The following N4BP2L2 variants were observed in gnomAD, a reference collection of about 807,000 sequenced individuals.
N4BP2L2 encodes NEDD4-binding protein 2-like 2.
N4BP2L2 carries 50 observed loss-of-function variants against 56.2 expected under a neutral mutation model. The observed-to-expected ratio is 0.89, with a 90% CI of 0.71 to 1.13. The LOEUF (loss-of-function observed/expected upper bound fraction) is 1.13, where lower values mean the gene tolerates loss of function less well. Among genes scored for constraint, N4BP2L2 ranks in the 50% most tolerant of loss-of-function variants. The pLI is 0.00. For synonymous variants in N4BP2L2, 203 were observed against 223.6 expected, an observed-to-expected ratio of 0.91 and a Z score of 0.82; for missense variants, 689 against 693.8, an observed-to-expected ratio of 0.99 and a Z score of 0.08.
rs187904691 is a variant in N4BP2L2 at position 32,440,266 on chromosome 13, G to A, written c.2105-1529C>T. ...AACTCAGGATGACAAGCTTTGAGACGAAATGGGTCCCCAAGGAACGCTGAG... is the reference window on the plus strand; with the variant it reads ...AACTCAGGATGACAAGCTTTGAGACAAAATGGGTCCCCAAGGAACGCTGAG... On this transcript the variant is annotated intron_variant, in intron 7 of 9. Coordinates refer to the N4BP2L2 transcript ENST00000357505. Among the ~76,000 whole-genome samples the A allele has an allele frequency of 1.9e-3, 285 of 152,156 alleles. 3 individuals are homozygous for A. Among genetic ancestry groups the A allele is most frequent in the Admixed American group, 0.016 (242 of 15,294 alleles).
At chr13:32,509,228 T>G (rs762113381), downstream of N4BP2L2, 11 of 152,184 alleles carry the variant, frequency 7.2e-5, no homozygotes, top group Non-Finnish European at 1.3e-4. Context: ...ATCCTGAACT[T>G]TTTGAGCATT....
Position 32,522,127 on chromosome 13 carries a change from T to G in N4BP2L2, c.1473+55A>C. 6 of 1,181,772 alleles carry G rather than the reference T, an allele frequency of 5.1e-6. No individual in the cohort carries two copies. In the South Asian group the frequency reaches 8.4e-5, roughly 17 times the overall value. The allele number at this position is 1,181,772 out of a possible 1,614,324, so 73.2% of individuals were successfully genotyped here. ...GATCCAACCAGCCAAAATTTTAGAATGTGAAAAAATTGACAAGAATAAAAA... is the reference window on the plus strand; with the variant it reads ...GATCCAACCAGCCAAAATTTTAGAAGGTGAAAAAATTGACAAGAATAAAAA... On this transcript the variant is annotated intron_variant, in intron 4 of 5. Coordinates refer to ENST00000267068, the Ensembl canonical transcript of N4BP2L2.
Position 32,434,346 on chromosome 13 carries a change from C to T in N4BP2L2, c.*22-1374G>A, listed in dbSNP as rs571248262. On this transcript the variant is annotated intron_variant, in intron 9 of 9. Coordinates refer to the N4BP2L2 transcript ENST00000357505. ...CTCCTGAGCTCGGGCAATCTGCCAG[C>T]CTCAGCCTCCCAAAGTGCTAGGATT... 3.0e-4 allele frequency among the ~76,000 whole-genome samples: 46 copies of T among 151,232 alleles called. 1 individual carries two copies. The highest frequency in any genetic ancestry group is 2.7e-3 in the East Asian group (14 of 5,138).
Position 32,536,474 on chromosome 13 carries a change from T to TCC in N4BP2L2, c.552_553dup (p.Glu185GlyfsTer32), listed in dbSNP as rs777861853. 6.2e-7 allele frequency: 1 copy of TCC among 1,612,764 alleles called. No homozygotes were observed. The highest frequency in any genetic ancestry group is 1.1e-5 in the South Asian group (1 of 90,666). On this transcript the variant is annotated frameshift_variant, in exon 2 of 6. Transcript: ENST00000267068. LOFTEE classifies it high-confidence loss of function. ...ACAACTGTTCTCAAAACCATCTTTT[T>TCC]CCTTTTCAAGCTCTTCAATTTCTTT...
At chr13:32,518,553 TA>T (rs2049844170) in intron 5 of N4BP2L2, among the ~76,000 whole-genome samples, 1 of 152,192 alleles carries the variant, frequency 6.6e-6, no homozygotes, top group Non-Finnish European at 1.5e-5. Context: ...TTATACATAA[TA>T]TAAAGCTTTG....
intron 6 of N4BP2L2, among the ~76,000 whole-genome samples, chr13:32,493,038 T>C (rs2087577748): frequency 6.7e-6 from 1 of 148,384 alleles, no homozygotes. Flanking sequence ...TTCTCCTGCC[T>C]CACCCTCCCG....
At chr13:32,483,514 T>C (rs1043337896) in intron 6 of N4BP2L2, among the ~76,000 whole-genome samples, 10 of 152,310 alleles carry the variant, frequency 6.6e-5, no homozygotes, top group South Asian at 2.1e-4. Context: ...TTTTTGTAGG[T>C]TGTACATCAC....
chr13:32,434,102 A>G (rs2075166241), intron 9 of N4BP2L2, among the ~76,000 whole-genome samples: 1 of 151,308 alleles, frequency 6.6e-6, no homozygotes, highest in Non-Finnish European at 1.5e-5. Flanking sequence ...GTAGAGATGG[A>G]GTCTTGCTCT....
intron 6 of N4BP2L2, among the ~76,000 whole-genome samples, chr13:32,452,434 T>C (rs1269114007): frequency 6.6e-6 from 1 of 152,196 alleles, no homozygotes; most frequent in Non-Finnish European, 1.5e-5. Flanking sequence ...ATGAGAACTT[T>C]CAGGCTAGTC....
At chr13:32,537,101 G>T (rs534756822) in intron 1 of N4BP2L2, 74 bp from the exon 2 acceptor site, 2 of 1,030,686 alleles carry the variant, frequency 1.9e-6, no homozygotes, top group East Asian at 2.9e-5. Flanking sequence ...TCAAAAACAA[G>T]AAATTAGACA....
intron 6 of N4BP2L2, among the ~76,000 whole-genome samples, chr13:32,449,725 A>G (rs1337192661): frequency 2.0e-5 from 3 of 152,210 alleles, no homozygotes; most frequent in Non-Finnish European, 2.9e-5. Context: ...TATTTTTATT[A>G]TGTATTAACA....
intron 6 of N4BP2L2, among the ~76,000 whole-genome samples, chr13:32,493,301 AGT>A (rs2087649763): frequency 6.6e-6 from 1 of 151,966 alleles, no homozygotes; most frequent in African/African-American, 2.4e-5. Flanking sequence ...TCTTTGATTC[AGT>A]TCTCATGCCT....
chr13:32,466,309 A>G (rs1593604666), intron 6 of N4BP2L2, among the ~76,000 whole-genome samples: 1 of 152,074 alleles, frequency 6.6e-6, no homozygotes, highest in Non-Finnish European at 1.5e-5. Flanking sequence ...GCTCACCCCT[A>G]TAATCCCAGG....
intron 6 of N4BP2L2, among the ~76,000 whole-genome samples, chr13:32,471,354 T>C (rs1215761090): frequency 1.3e-5 from 2 of 152,202 alleles, no homozygotes; most frequent in East Asian, 3.8e-4. Flanking sequence ...GGTGGACCTC[T>C]GGGCCAGAAT....
intron 6 of N4BP2L2, among the ~76,000 whole-genome samples, chr13:32,481,075 C>T (rs2084584641): frequency 7.3e-6 from 1 of 136,244 alleles, no homozygotes; most frequent in Non-Finnish European, 1.5e-5. Context: ...GCCGAGATCA[C>T]ACCACTGCGC....
chr13:32,462,721 C>G (rs1200516044), intron 6 of N4BP2L2, among the ~76,000 whole-genome samples: 1 of 151,768 alleles, frequency 6.6e-6, no homozygotes, highest in East Asian at 1.9e-4. Context: ...ACTACAAATA[C>G]CCCCATTAAA....
chr13:32,517,311 T>C, exon 6 of N4BP2L2: 1 of 987,302 alleles, frequency 1.0e-6, no homozygotes, highest in Non-Finnish European at 1.2e-6. Flanking sequence ...AGAAATAATT[T>C]TGTCACACAG....
intron 6 of N4BP2L2, among the ~76,000 whole-genome samples, chr13:32,500,479 C>A (rs2089758786): frequency 6.7e-6 from 1 of 150,156 alleles, no homozygotes; most frequent in South Asian, 2.1e-4. Context: ...TGCCCATAAT[C>A]CCAGCACTTA....
chr13:32,473,660 G>A (rs1320864860), intron 6 of N4BP2L2, among the ~76,000 whole-genome samples: 1 of 152,176 alleles, frequency 6.6e-6, no homozygotes, highest in Non-Finnish European at 1.5e-5. Flanking sequence ...CCATTTCCTT[G>A]TCCTTTCCAG....
Sources: gnomAD v4.1 joint callset for allele counts (sites outside exome capture counted in the v4.1 genomes callset) on GRCh38, gnomAD v4.1.1 for gene constraint, MANE v1.5 for transcripts, NCBI Gene and HGNC (gene_info 2026-07-23, HGNC 2026-07-21) for gene names.